The following JMJD6 variants were observed in gnomAD, a reference collection of about 807,000 sequenced individuals.
JMJD6 encodes the protein bifunctional arginine demethylase and lysyl-hydroxylase JMJD6.
JMJD6 carries 17 observed loss-of-function variants against 45.8 expected under a neutral mutation model. That is an observed-to-expected ratio of 0.37 (90% CI 0.25 to 0.56). JMJD6 has a LOEUF of 0.56. Ranked by LOEUF, JMJD6 falls within the 20% of genes least tolerant of loss-of-function variation. JMJD6 has a pLI of 0.79. For missense variants in JMJD6, 470 were observed against 517.5 expected, an observed-to-expected ratio of 0.91 and a Z score of 0.89; for synonymous variants, 221 against 196.3, an observed-to-expected ratio of 1.13 and a Z score of -1.05.
chr17:76,721,257 T>C, intron 4 of JMJD6: 1 of 411,736 alleles, frequency 2.4e-6, no homozygotes, highest in Non-Finnish European at 5.1e-6. Context: ...AGAATCCCTC[T>C]CTTACCCCGA....
downstream of JMJD6, chr17:76,716,725 G>C: frequency 6.2e-7 from 1 of 1,614,042 alleles, no homozygotes; most frequent in South Asian, 1.1e-5. Flanking sequence ...CCCTAATCCT[G>C]CCAAGGAAAG....
downstream of JMJD6, chr17:76,718,442 T>C: frequency 7.6e-7 from 1 of 1,318,596 alleles, no homozygotes; most frequent in Non-Finnish European, 9.6e-7. Flanking sequence ...AAGGAAAACA[T>C]TTCCAAGATA....
intron 5 of JMJD6, among the ~76,000 whole-genome samples, chr17:76,719,570 T>C (rs939398571): frequency 1.3e-5 from 2 of 152,212 alleles, no homozygotes; most frequent in Non-Finnish European, 2.9e-5. Context: ...TTAACAGGCG[T>C]GAGCCACTGC....
downstream of JMJD6, among the ~76,000 whole-genome samples, chr17:76,716,945 A>G (rs1299028098): frequency 6.6e-6 from 1 of 152,348 alleles, no homozygotes; most frequent in East Asian, 1.9e-4. Flanking sequence ...GGAAGAGTCT[A>G]AGTATGGCTG....
Position 76,718,868 on chromosome 17 carries a change from CAGG to C in JMJD6, c.1081-11_1081-9del, listed in dbSNP as rs2076790159. ...CTCGGATCCAGACTCGCACTGGACACAGGAGGACAGAAAACAAGGAGTCAACCT... is the reference window on the plus strand; with the variant it reads ...CTCGGATCCAGACTCGCACTGGACACAGGACAGAAAACAAGGAGTCAACCT... On this transcript the variant is annotated splice_polypyrimidine_tract_variant and intron_variant, in intron 5 of 5. Transcript: ENST00000397625. 5 of 1,610,906 alleles carry C rather than the reference CAGG, an allele frequency of 3.1e-6. No homozygotes were observed. Among genetic ancestry groups the C allele is most frequent in the Middle Eastern group, 1.6e-4 (1 of 6,062 alleles).
At chr17:76,724,202 C>A in intron 2 of JMJD6, 144 bp from the exon 3 acceptor site, 1 of 827,282 alleles carries the variant, frequency 1.2e-6, no homozygotes, top group Non-Finnish European at 1.9e-6. Flanking sequence ...CTGACAGTAA[C>A]CTCTGCTTCC....
At chr17:76,721,272 T>C (rs1333699893) in intron 4 of JMJD6, 1 of 428,586 alleles carries the variant, frequency 2.3e-6, no homozygotes, top group Admixed American at 2.4e-5. Context: ...CCCCGAGAGC[T>C]GGTCCCTCCA....
chr17:76,724,148 T>C (rs2143738558), intron 2 of JMJD6, 90 bp from the exon 3 acceptor site: 1 of 1,381,458 alleles, frequency 7.2e-7, no homozygotes, highest in Admixed American at 1.9e-5. Flanking sequence ...TCTTTGAGAG[T>C]CTTGCTCTAT....
At chr17:76,719,978 T>C (rs2076802464) in intron 5 of JMJD6, among the ~76,000 whole-genome samples, 1 of 152,080 alleles carries the variant, frequency 6.6e-6, no homozygotes, top group African/African-American at 2.4e-5. Flanking sequence ...TTATAGTCTC[T>C]ACTAAAAATA....
Position 76,718,697 on chromosome 17 carries a change from T to C in JMJD6, c.*32A>G. On this transcript the variant is annotated 3_prime_UTR_variant, in exon 6 of 6. Coordinates refer to ENST00000397625, the MANE Select transcript of JMJD6 (RefSeq NM_015167.3). Reference sequence around the variant, plus strand: ...CCAGGCCCTGCCCTTGCCGCGAGCGTGTCCTTCCATACAGACAACAGCCTT... The same window carrying C: ...CCAGGCCCTGCCCTTGCCGCGAGCGCGTCCTTCCATACAGACAACAGCCTT... 1 of 1,610,216 alleles carries C rather than the reference T, an allele frequency of 6.2e-7. No homozygotes were observed. Among genetic ancestry groups the C allele is most frequent in the South Asian group, 1.1e-5 (1 of 90,598 alleles).
Position 76,719,540 on chromosome 17 carries a change from T to C in JMJD6, c.1081-680A>G, listed in dbSNP as rs559921145. Among the ~76,000 whole-genome samples, 27 of 152,278 alleles carry C rather than the reference T, an allele frequency of 1.8e-4. No individual in the cohort carries two copies. In the South Asian group the frequency reaches 5.2e-3, roughly 29 times the overall value. ...CTGACCTCAAGTAATCTACCCACTT[T>C]AGCCTCCCAAAGTGTTGGGTTAACA... On this transcript the variant is annotated intron_variant, in intron 5 of 5. Coordinates refer to ENST00000397625, the MANE Select transcript of JMJD6 (RefSeq NM_015167.3).
chr17:76,716,817 C>A (rs563122967), downstream of JMJD6: 36 of 1,326,588 alleles, frequency 2.7e-5, no homozygotes, highest in Non-Finnish European at 3.8e-5. Context: ...CCCCCGGGAC[C>A]CCACGTGGAA....
intron 3 of JMJD6, among the ~76,000 whole-genome samples, chr17:76,723,522 C>T (rs1050975819): frequency 6.6e-6 from 1 of 151,500 alleles, no homozygotes; most frequent in Non-Finnish European, 1.5e-5. Context: ...CTCACTGCAA[C>T]CTTCGCCACC....
In JMJD6 at chr17:76,718,551, G is replaced by C; in HGVS notation, c.*178C>G. On this transcript the variant is annotated 3_prime_UTR_variant, in exon 6 of 6. Transcript: ENST00000397625. Reference sequence around the variant, plus strand: ...AAACAAGCCGCGTTTATCTGCATTGGTAGCAGAGGGAAAGCTACTGGAGCA... The same window carrying C: ...AAACAAGCCGCGTTTATCTGCATTGCTAGCAGAGGGAAAGCTACTGGAGCA... The C allele has an allele frequency of 7.2e-7, 1 of 1,388,184 alleles. No homozygotes were observed. Among genetic ancestry groups the C allele is most frequent in the South Asian group, 1.7e-5 (1 of 59,902 alleles). The allele number at this position is 1,388,184 out of a possible 1,614,324, so 86.0% of individuals were successfully genotyped here.
chr17:76,716,674 C>CAA, downstream of JMJD6: 2 of 1,614,052 alleles, frequency 1.2e-6, no homozygotes. Flanking sequence ...CAGGGAGAGT[C>CAA]TCTTTATCTG....
In JMJD6 at chr17:76,724,647, T is replaced by A. The variant is rs375550479; in HGVS notation, c.519-589A>T. 5.9e-5 allele frequency among the ~76,000 whole-genome samples: 9 copies of A among 151,544 alleles called. No individual in the cohort carries two copies. The East Asian group carries it at 9.9e-4, about 17-fold the overall frequency. ...GCCTGACCAATACGGTGAAACCCCA[T>A]CTCTACTGAAAATACAAAAATTAGC... On this transcript the variant is annotated intron_variant, in intron 2 of 5. Coordinates refer to ENST00000397625, the MANE Select transcript of JMJD6 (RefSeq NM_015167.3).
At chr17:76,726,323 G>A in intron 1 of JMJD6, 24 bp downstream of exon 1, 1 of 1,548,102 alleles carries the variant, frequency 6.5e-7, no homozygotes, top group Admixed American at 1.9e-5. Flanking sequence ...GCCCGGCCTG[G>A]CCACCCCCGC....
At chr17:76,716,687 C>G, downstream of JMJD6, 1 of 1,614,080 alleles carries the variant, frequency 6.2e-7, no homozygotes, top group Non-Finnish European at 8.5e-7. Flanking sequence ...TTTATCTGCT[C>G]AGGGGTGAGC....
At chr17:76,717,931 C>T (rs1353195775), downstream of JMJD6, among the ~76,000 whole-genome samples, 1 of 150,982 alleles carries the variant, frequency 6.6e-6, no homozygotes, top group Non-Finnish European at 1.5e-5. Flanking sequence ...GTAGAGGTTA[C>T]AATAAGCCGA....
Sources: allele counts gnomAD v4.1 joint callset (sites outside exome capture counted in the v4.1 genomes callset), GRCh38; gene constraint gnomAD v4.1.1; transcripts MANE v1.5; gene names NCBI Gene and HGNC (gene_info 2026-07-23, HGNC 2026-07-21).